SLC30A8: variants seen among roughly 807,000 people sequenced by gnomAD.
The protein encoded by SLC30A8 is solute carrier family 30 member 8.
SLC30A8 carries 27 observed loss-of-function variants against 36.9 expected under a neutral mutation model. The observed-to-expected ratio is 0.73, with a 90% CI of 0.54 to 1.01. The LOEUF is 1.01. SLC30A8 is among the 50% of genes least tolerant of loss of function. The probability of loss-of-function intolerance (pLI) is 0.00; values close to 1 mark genes in which losing one functional copy is unlikely to be tolerated. For missense variants in SLC30A8, 439 were observed against 452.0 expected (o/e 0.97, Z 0.26); for synonymous variants, 164 against 172.4 (o/e 0.95, Z 0.38).
At chr8:117,024,840 G>A (rs1026688635) in intron 1 of SLC30A8, among the ~76,000 whole-genome samples, 2 of 151,852 alleles carry the variant, frequency 1.3e-5, no homozygotes, top group African/African-American at 4.8e-5. Context: ...CAGGGTACTT[G>A]TGCAAGATTT....
chr8:117,166,447 C>T (rs1823059348), intron 6 of SLC30A8, among the ~76,000 whole-genome samples: 1 of 152,100 alleles, frequency 6.6e-6, no homozygotes, highest in South Asian at 2.1e-4. Context: ...TTAGACTAAC[C>T]CAGCAGTTCT....
chr8:116,997,240 C>G (rs192487074), intron 1 of SLC30A8, among the ~76,000 whole-genome samples: 107 of 152,238 alleles, frequency 7.0e-4, no homozygotes, highest in Non-Finnish European at 1.2e-3. Flanking sequence ...AGGAACTGCA[C>G]AGTTTGCCTG....
At chr8:117,075,816 G>A (rs12679997) in intron 2 of SLC30A8, among the ~76,000 whole-genome samples, 9,116 of 152,200 alleles carry the variant, frequency 0.06, 316 homozygotes, top group East Asian at 0.12. Context: ...AACCTTGATA[G>A]GGTGTAGAAG....
At chr8:117,080,355 G>A (rs955272642) in intron 2 of SLC30A8, among the ~76,000 whole-genome samples, 14 of 151,532 alleles carry the variant, frequency 9.2e-5, no homozygotes, top group African/African-American at 3.1e-4. Flanking sequence ...TTTAGATTCG[G>A]GGATACACAC....
chr8:116,967,362 G>T (rs569820284), intron 1 of SLC30A8, among the ~76,000 whole-genome samples: 1 of 152,292 alleles, frequency 6.6e-6, no homozygotes, highest in East Asian at 1.9e-4. Flanking sequence ...ATTGCCTGGA[G>T]AATTAATTTA....
chr8:117,060,529 G>A (rs1478665076), intron 2 of SLC30A8, among the ~76,000 whole-genome samples: 1 of 152,138 alleles, frequency 6.6e-6, no homozygotes, highest in South Asian at 2.1e-4. Flanking sequence ...AAGCCAATTT[G>A]TAGTAAATAT....
chr8:117,079,111 A>G (rs1818581866), intron 2 of SLC30A8, among the ~76,000 whole-genome samples: 1 of 151,734 alleles, frequency 6.6e-6, no homozygotes, highest in Non-Finnish European at 1.5e-5. Flanking sequence ...TCCCCGGTTC[A>G]AGTGATTCTC....
chr8:117,010,409 G>T (rs1816307528), intron 1 of SLC30A8, among the ~76,000 whole-genome samples: 5 of 152,188 alleles, frequency 3.3e-5, no homozygotes, highest in Admixed American at 3.3e-4. Context: ...CCTAGTAGTT[G>T]TGAGAATTTA....
chr8:117,025,383 T>G (rs1306377626), intron 1 of SLC30A8, among the ~76,000 whole-genome samples: 2 of 152,268 alleles, frequency 1.3e-5, no homozygotes, highest in East Asian at 3.8e-4. Flanking sequence ...ATTTCTAGAT[T>G]TATTTTTTAA....
intron 1 of SLC30A8, chr8:117,018,043 C>G (rs1182905177): frequency 6.6e-6 from 1 of 152,224 alleles, no homozygotes; most frequent in South Asian, 2.1e-4. Context: ...CTATAGTGCA[C>G]TATGCTGATT....
At chr8:117,008,965 G>A (rs1816261302) in intron 1 of SLC30A8, among the ~76,000 whole-genome samples, 1 of 152,132 alleles carries the variant, frequency 6.6e-6, no homozygotes, top group African/African-American at 2.4e-5. Flanking sequence ...CTAAAACTCA[G>A]TTTCCTCCCC....
chr8:117,077,326 C>T (rs1818521749), intron 2 of SLC30A8, among the ~76,000 whole-genome samples: 1 of 152,158 alleles, frequency 6.6e-6, no homozygotes, highest in African/African-American at 2.4e-5. Flanking sequence ...GCTTCTGATT[C>T]TTTTCATCAT....
chr8:117,066,139 A>T (rs1244750677), intron 2 of SLC30A8, among the ~76,000 whole-genome samples: 1 of 152,110 alleles, frequency 6.6e-6, no homozygotes, highest in Non-Finnish European at 1.5e-5. Flanking sequence ...AATGGGGAAA[A>T]ACAACAATGT....
intron 2 of SLC30A8, among the ~76,000 whole-genome samples, chr8:117,102,225 A>T (rs1280632621): frequency 6.6e-6 from 1 of 152,146 alleles, no homozygotes; most frequent in African/African-American, 2.4e-5. Context: ...AAAGTTTTCC[A>T]TAAGTTTAGT....
intron 6 of SLC30A8, 36 bp downstream of exon 6, chr8:117,163,566 G>A (rs1822901959): frequency 6.8e-7 from 1 of 1,479,382 alleles, no homozygotes; most frequent in Non-Finnish European, 9.4e-7. Context: ...CAGAGTCAGT[G>A]TTTTCTCTTC....
chr8:117,064,996 C>A (rs1818126605), intron 2 of SLC30A8, among the ~76,000 whole-genome samples: 1 of 152,210 alleles, frequency 6.6e-6, no homozygotes, highest in Non-Finnish European at 1.5e-5. Context: ...GGGAAATAAA[C>A]TCAATGTCTT....
chr8:116,995,594 A>G (rs1815787312), intron 1 of SLC30A8, among the ~76,000 whole-genome samples: 1 of 152,112 alleles, frequency 6.6e-6, no homozygotes, highest in African/African-American at 2.4e-5. Flanking sequence ...CTAAGACACT[A>G]TGTGAACAGA....
rs538162915 is a variant in SLC30A8, at chr8:117,032,658, G to T, written c.-265-6561G>T. On this transcript the variant is annotated intron_variant, in intron 1 of 10. Transcript: ENST00000427715. ...TAATCCTGGCACTTTGGGAGGCCCAGGTGGGCAGATAACCTGAGGTCAGGA... is the reference window on the plus strand; with the variant it reads ...TAATCCTGGCACTTTGGGAGGCCCATGTGGGCAGATAACCTGAGGTCAGGA... 2.6e-5 allele frequency among the ~76,000 whole-genome samples: 4 copies of T among 152,326 alleles called. No homozygotes were observed. The South Asian group carries it at 8.3e-4, about 32-fold the overall frequency.
intron 3 of SLC30A8, among the ~76,000 whole-genome samples, chr8:117,154,851 C>T (rs1822393044): frequency 6.6e-6 from 1 of 152,092 alleles, no homozygotes; most frequent in South Asian, 2.1e-4. Flanking sequence ...GGCATCGTGG[C>T]CATGGAAGAC....
Sources: gnomAD v4.1 joint callset for allele counts (sites outside exome capture counted in the v4.1 genomes callset) on GRCh38, gnomAD v4.1.1 for gene constraint, MANE v1.5 for transcripts, NCBI Gene and HGNC (gene_info 2026-07-23, HGNC 2026-07-21) for gene names.